Variants in ARL14EPL observed in about 807,000 individuals in gnomAD.
ARL14EPL encodes the protein ARL14 effector protein-like.
Under a neutral mutation model 15.9 loss-of-function variants are expected in ARL14EPL, and 17 were observed. That is an observed-to-expected ratio of 1.07 (90% CI 0.73 to 1.60). ARL14EPL has a LOEUF of 1.60. ARL14EPL is among the 40% of genes most tolerant of loss of function. The probability of loss-of-function intolerance (pLI) is 0.00; values close to 1 mark genes in which losing one functional copy is unlikely to be tolerated. For synonymous variants in ARL14EPL, 78 were observed against 63.8 expected (o/e 1.22, Z -1.06); for missense variants, 214 against 185.9 (o/e 1.15, Z -0.88).
intron 3 of ARL14EPL, among the ~76,000 whole-genome samples, chr5:116,054,745 C>T (rs567496849): frequency 3.9e-5 from 6 of 152,134 alleles, no homozygotes; most frequent in South Asian, 2.1e-4. Context: ...GCAGGTGAAT[C>T]GCTTGAACCC....
At chr5:116,052,301 T>C (rs1749402775) in intron 2 of ARL14EPL, 9 of 1,290,240 alleles carry the variant, frequency 7.0e-6, no homozygotes, top group Middle Eastern at 1.9e-4. Context: ...GCTCGGAGAG[T>C]AGCAGCAGAC....
At chr5:116,039,008 G>T (rs1053545567) in intron 1 of ARL14EPL, among the ~76,000 whole-genome samples, 2 of 152,146 alleles carry the variant, frequency 1.3e-5, no homozygotes, top group Non-Finnish European at 2.9e-5. Context: ...ATGAGGAAAT[G>T]CACAGACAAA....
chr5:116,040,902 A>C (rs1749141067), intron 1 of ARL14EPL, among the ~76,000 whole-genome samples: 1 of 141,324 alleles, frequency 7.1e-6, no homozygotes, highest in Non-Finnish European at 1.5e-5. Context: ...AATCGCATGA[A>C]CCCAGAGGTG....
At chr5:116,056,968 AC>A (rs1421306689) in intron 3 of ARL14EPL, among the ~76,000 whole-genome samples, 1 of 152,192 alleles carries the variant, frequency 6.6e-6, no homozygotes, top group African/African-American at 2.4e-5. Context: ...CAGAGACACA[AC>A]AAAAAGAGAG....
At position 116,059,345 on chromosome 5, in the gene ARL14EPL, G is replaced by A. The variant is rs10055082; in HGVS notation, c.*398G>A. ...AATCTTAAATTTATAATATCTAGTTGTCCTTAGAATCTTATACATCACTAG... is the reference window on the plus strand; with the variant it reads ...AATCTTAAATTTATAATATCTAGTTATCCTTAGAATCTTATACATCACTAG... On this transcript the variant is annotated 3_prime_UTR_variant, in exon 4 of 4. Coordinates refer to ENST00000686077, the MANE Select transcript of ARL14EPL (RefSeq NM_001195581.2). 0.067 allele frequency: 12,394 copies of A among 186,090 alleles called. 1,271 individuals are homozygous for A. The highest frequency in any genetic ancestry group is 0.23 in the African/African-American group (9,857 of 42,300). 11.5% of individuals were successfully genotyped at this position (186,090 alleles called of 1,614,324 possible).
intron 1 of ARL14EPL, among the ~76,000 whole-genome samples, chr5:116,050,229 A>T (rs1252809072): frequency 6.6e-6 from 1 of 152,228 alleles, no homozygotes; most frequent in Admixed American, 6.5e-5. Flanking sequence ...ATCATACCCA[A>T]TAGGTAGTTT....
intron 2 of ARL14EPL, chr5:116,051,997 G>T (rs1431600744): frequency 4.3e-6 from 7 of 1,611,266 alleles, no homozygotes; most frequent in African/African-American, 4.0e-5. Flanking sequence ...AAACCAGTTT[G>T]ATAAGTCCTT....
At chr5:116,050,312 C>A (rs138315723) in intron 1 of ARL14EPL, among the ~76,000 whole-genome samples, 1 of 152,262 alleles carries the variant, frequency 6.6e-6, no homozygotes, top group Admixed American at 6.5e-5. Flanking sequence ...GTGTAGCCAG[C>A]GTTTAGCTCC....
intron 1 of ARL14EPL, among the ~76,000 whole-genome samples, chr5:116,041,073 G>C (rs1435198297): frequency 6.7e-6 from 1 of 148,406 alleles, no homozygotes; most frequent in Non-Finnish European, 1.5e-5. Flanking sequence ...TGAACAAAAA[G>C]CACAGGGAGT....
At chr5:116,038,570 G>C (rs987082434) in intron 1 of ARL14EPL, among the ~76,000 whole-genome samples, 1 of 152,114 alleles carries the variant, frequency 6.6e-6, no homozygotes, top group African/African-American at 2.4e-5. Flanking sequence ...GACCACAAAG[G>C]TTTTGGAGGA....
rs1207572807 is a variant in ARL14EPL, at chr5:116,058,989, A to G, written c.*42A>G. On this transcript the variant is annotated 3_prime_UTR_variant, in exon 4 of 4. Coordinates refer to ENST00000686077, the MANE Select transcript of ARL14EPL (RefSeq NM_001195581.2). ...ACTGATTTGTTTCTTCTTCTTACACATTTAAGTTGACCTCTTTCTTTTGGG... is the reference window on the plus strand; with the variant it reads ...ACTGATTTGTTTCTTCTTCTTACACGTTTAAGTTGACCTCTTTCTTTTGGG... The G allele has an allele frequency of 2.7e-6, 4 of 1,508,240 alleles. No individual in the cohort carries two copies. The highest frequency in any genetic ancestry group is 2.4e-5 in the South Asian group (2 of 83,270). 93.4% of individuals were successfully genotyped at this position (1,508,240 alleles called of 1,614,324 possible).
chr5:116,037,545 A>C (rs1185975621), intron 1 of ARL14EPL, among the ~76,000 whole-genome samples: 1 of 143,006 alleles, frequency 7.0e-6, no homozygotes, highest in Non-Finnish European at 1.5e-5. Context: ...CATGCCCTTC[A>C]CATGGCATTC....
intron 1 of ARL14EPL, among the ~76,000 whole-genome samples, 151 bp downstream of exon 1, chr5:116,032,656 A>C (rs945100947): frequency 4.6e-5 from 7 of 152,186 alleles, no homozygotes; most frequent in South Asian, 2.1e-4. Flanking sequence ...ACTTTATCTT[A>C]AGTACATATG....
intron 3 of ARL14EPL, among the ~76,000 whole-genome samples, chr5:116,056,416 C>T (rs1389052550): frequency 1.3e-5 from 2 of 152,188 alleles, no homozygotes; most frequent in African/African-American, 4.8e-5. Context: ...GAGCATTTTT[C>T]ATGTGTCTAT....
At chr5:116,046,174 A>ATG (rs1319339621) in intron 1 of ARL14EPL, among the ~76,000 whole-genome samples, 2 of 152,156 alleles carry the variant, frequency 1.3e-5, no homozygotes, top group African/African-American at 4.8e-5. Flanking sequence ...TCTTGTATAT[A>ATG]TGTGTGTGTA....
At chr5:116,057,555 C>A (rs1371331549) in intron 3 of ARL14EPL, among the ~76,000 whole-genome samples, 2 of 152,108 alleles carry the variant, frequency 1.3e-5, no homozygotes, top group Non-Finnish European at 2.9e-5. Context: ...CTCCATCACT[C>A]TTATAATAGA....
At chr5:116,049,720 A>G (rs1277071752) in intron 1 of ARL14EPL, among the ~76,000 whole-genome samples, 1 of 152,204 alleles carries the variant, frequency 6.6e-6, no homozygotes, top group Non-Finnish European at 1.5e-5. Flanking sequence ...AGGACCATAA[A>G]AGAGAGATAA....
At chr5:116,044,875 A>G (rs982680854) in intron 1 of ARL14EPL, among the ~76,000 whole-genome samples, 5 of 152,200 alleles carry the variant, frequency 3.3e-5, no homozygotes, top group Admixed American at 1.3e-4. Context: ...TCAGCAAAAC[A>G]AAGGAAAGAA....
chr5:116,050,071 A>G (rs1034127779), intron 1 of ARL14EPL, among the ~76,000 whole-genome samples: 2 of 152,214 alleles, frequency 1.3e-5, no homozygotes, highest in Non-Finnish European at 2.9e-5. Context: ...GCTGTTATTT[A>G]CTTTTCCTGA....
Sources: allele counts gnomAD v4.1 joint callset (sites outside exome capture counted in the v4.1 genomes callset), GRCh38; gene constraint gnomAD v4.1.1; transcripts MANE v1.5; gene names NCBI Gene and HGNC (gene_info 2026-07-23, HGNC 2026-07-21).